The following TLK1 variants were observed in gnomAD, a reference collection of about 807,000 sequenced individuals.
The protein encoded by TLK1 is serine/threonine-protein kinase tousled-like 1.
TLK1 carries 24 observed loss-of-function variants against 105.3 expected under a neutral mutation model. The ratio of observed to expected loss-of-function variants is 0.23; its 90% confidence interval spans 0.17 to 0.32. The LOEUF is 0.32. TLK1 is among the 10% of genes least tolerant of loss of function. The pLI is 1.00. For synonymous variants in TLK1, 321 were observed against 310.4 expected (o/e 1.03, Z -0.36); for missense variants, 558 against 910.5 (o/e 0.61, Z 4.98).
intron 12 of TLK1, among the ~76,000 whole-genome samples, chr2:171,026,672 A>G (rs1685788003): frequency 6.6e-6 from 1 of 152,172 alleles, no homozygotes; most frequent in South Asian, 2.1e-4. Context: ...AATAACTGGT[A>G]AATCTTTATA....
In TLK1 at chr2:171,183,927, C is replaced by G. The variant is rs116327690; in HGVS notation, c.-6+47218G>C. On this transcript the variant is annotated intron_variant, in intron 1 of 20. Transcript: ENST00000521943. ...GTTGTCCATGCCATAAACCAAAGAC[C>G]TGTGGATATGTTACCTTACATAGCA... Among the ~76,000 whole-genome samples, 421 of 152,188 alleles carry G rather than the reference C, an allele frequency of 2.8e-3. 3 individuals are homozygous for G. Among genetic ancestry groups the G allele is most frequent in the Non-Finnish European group, 5.4e-3 (367 of 68,012 alleles).
chr2:171,006,743 G>A (rs1684669912), intron 16 of TLK1, 57 bp downstream of exon 16: 1 of 1,587,108 alleles, frequency 6.3e-7, no homozygotes, highest in Non-Finnish European at 8.6e-7. Context: ...ACACAGGATG[G>A]GGAAAGAGAA....
At chr2:171,044,897 T>C (rs1010511092) in intron 11 of TLK1, among the ~76,000 whole-genome samples, 2 of 152,254 alleles carry the variant, frequency 1.3e-5, no homozygotes, top group East Asian at 3.9e-4. Context: ...AGGAAGATAA[T>C]CTTAAGAAAA....
intron 2 of TLK1, among the ~76,000 whole-genome samples, chr2:171,092,589 T>C (rs182912219): frequency 6.6e-6 from 1 of 152,334 alleles, no homozygotes; most frequent in Non-Finnish European, 1.5e-5. Context: ...CACTTCATAT[T>C]TTAACATGTT....
intron 1 of TLK1, among the ~76,000 whole-genome samples, chr2:171,129,365 T>A (rs1249765668): frequency 2.6e-5 from 4 of 152,184 alleles, no homozygotes. Context: ...CTTCTTGGCC[T>A]ATTCTTCTAT....
chr2:171,120,804 T>C (rs1420711417), intron 1 of TLK1, among the ~76,000 whole-genome samples: 2 of 152,132 alleles, frequency 1.3e-5, no homozygotes, highest in South Asian at 2.1e-4. Context: ...ATATAACCAA[T>C]ACAAGCGAAA....
intron 1 of TLK1, among the ~76,000 whole-genome samples, chr2:171,191,411 TA>T (rs896030443): frequency 6.7e-6 from 1 of 148,936 alleles, no homozygotes; most frequent in African/African-American, 2.5e-5. Context: ...CCCCCCCCTC[TA>T]AAAAAATGAA....
intron 11 of TLK1, among the ~76,000 whole-genome samples, chr2:171,033,252 C>A (rs985316191): frequency 2.0e-5 from 3 of 152,094 alleles, no homozygotes; most frequent in Non-Finnish European, 4.4e-5. Context: ...AGGGGTAAAT[C>A]TTCATGACTA....
At chr2:171,227,418 A>T (rs1180572013) in intron 1 of TLK1, among the ~76,000 whole-genome samples, 1 of 152,136 alleles carries the variant, frequency 6.6e-6, no homozygotes, top group African/African-American at 2.4e-5. Context: ...ACTGCAGGAG[A>T]GCTTGTCTAA....
At chr2:171,100,303 G>A (rs1013016949) in intron 2 of TLK1, among the ~76,000 whole-genome samples, 2 of 152,122 alleles carry the variant, frequency 1.3e-5, no homozygotes, top group Admixed American at 6.5e-5. Flanking sequence ...GTGGCGGTGT[G>A]GGAAGTAAGG....
chr2:171,093,775 G>C lies in TLK1; in HGVS notation c.259-10923C>G, dbSNP rs552036059. Among the ~76,000 whole-genome samples, 6 of 152,210 alleles carry C rather than the reference G, an allele frequency of 3.9e-5. No individual in the cohort carries two copies. In the East Asian group the frequency reaches 7.7e-4, roughly 20 times the overall value. On this transcript the variant is annotated intron_variant, in intron 2 of 20. Transcript: ENST00000431350. ...GCCTGCTTTTCTGGTCAAATCTATG[G>C]GGAAGAATGTCTGTAGGGCTACATA... is the stretch of plus-strand genomic sequence containing the variant.
intron 11 of TLK1, among the ~76,000 whole-genome samples, chr2:171,036,210 C>A (rs1228638697): frequency 6.6e-6 from 1 of 152,120 alleles, no homozygotes; most frequent in Non-Finnish European, 1.5e-5. Flanking sequence ...TTTGGGAGGC[C>A]AAGGCGGGTG....
Position 171,006,240 on chromosome 2 carries a change from T to C in TLK1, c.1811A>G (p.Lys604Arg), listed in dbSNP as rs531051507. The C allele has an allele frequency of 1.9e-6, 3 of 1,610,432 alleles. No individual in the cohort carries two copies. The Admixed American group carries it at 5.1e-5, about 27-fold the overall frequency. ...CTTGGACAGACCAAAATCAGTGATT[T>C]TGATTTCACCACATGCTGTTCCATC... ...LVDGTACGEI[K>R]ITDFGLSKIM... The change falls in exon 18 of 21, where the codon AAA (lysine) becomes AGA (arginine). Residue 604 changes from lysine to arginine, a missense_variant. Lys to Arg is a conservative substitution (Grantham distance 26). Transcript: ENST00000431350.
intron 3 of TLK1, among the ~76,000 whole-genome samples, chr2:171,073,883 C>T (rs1312963543): frequency 1.7e-5 from 2 of 118,094 alleles, no homozygotes; most frequent in African/African-American, 5.8e-5. Flanking sequence ...CCCCCCCCCC[C>T]TCCTTTTTTT....
chr2:171,147,572 T>TATATA (rs1691839673), intron 1 of TLK1, among the ~76,000 whole-genome samples: 1 of 152,162 alleles, frequency 6.6e-6, no homozygotes, highest in Admixed American at 6.5e-5. Context: ...TATGTGTGGA[T>TATATA]ATAATGATAC....
chr2:171,136,664 G>A (rs1691340715), intron 1 of TLK1, among the ~76,000 whole-genome samples: 1 of 152,176 alleles, frequency 6.6e-6, no homozygotes, highest in African/African-American at 2.4e-5. Flanking sequence ...TGGCTAAAAT[G>A]TTTGCATATG....
At chr2:171,156,751 G>A (rs888464085) in intron 1 of TLK1, among the ~76,000 whole-genome samples, 4 of 152,192 alleles carry the variant, frequency 2.6e-5, no homozygotes, top group African/African-American at 9.7e-5. Flanking sequence ...TAAATCATCT[G>A]AAGTCAATTA....
chr2:171,185,989 G>T (rs1415390356), intron 1 of TLK1, among the ~76,000 whole-genome samples: 2 of 152,168 alleles, frequency 1.3e-5, no homozygotes, highest in Admixed American at 1.3e-4. Flanking sequence ...TTTATGTTCT[G>T]TGAAACTGCT....
chr2:171,173,045 A>G (rs988541558), intron 1 of TLK1, among the ~76,000 whole-genome samples: 2 of 152,226 alleles, frequency 1.3e-5, no homozygotes, highest in East Asian at 1.9e-4. Flanking sequence ...GGGAAATACT[A>G]TGAATAAAAA....
Sources: gnomAD v4.1 joint callset for allele counts (sites outside exome capture counted in the v4.1 genomes callset) on GRCh38, gnomAD v4.1.1 for gene constraint, MANE v1.5 for transcripts, NCBI Gene and HGNC (gene_info 2026-07-23, HGNC 2026-07-21) for gene names.